The following SOX5 variants were observed in gnomAD, a reference collection of about 807,000 sequenced individuals.
SOX5 encodes the protein SRY-box transcription factor 5, also known as transcription factor SOX-5.
A neutral mutation model predicts 92.0 loss-of-function variants in SOX5; 9 were observed. That is an observed-to-expected ratio of 0.10 (90% CI 0.06 to 0.17). SOX5 has a LOEUF of 0.17. Ranked by LOEUF, SOX5 falls within the 10% of genes least tolerant of loss-of-function variation. The pLI is 1.00. For synonymous variants in SOX5, 344 were observed against 336.3 expected (o/e 1.02, Z -0.25); for missense variants, 642 against 944.5 (o/e 0.68, Z 4.20).
At chr12:24,544,571 C>T (rs77525557) in intron 1 of SOX5, among the ~76,000 whole-genome samples, 2,371 of 152,220 alleles carry the variant, frequency 0.016, 61 homozygotes, top group African/African-American at 0.055. Context: ...GAAAGAAATG[C>T]TAAGTCATTA....
At chr12:23,550,368 C>T (rs2136138739) in intron 11 of SOX5, among the ~76,000 whole-genome samples, 1 of 151,828 alleles carries the variant, frequency 6.6e-6, no homozygotes, top group Admixed American at 6.6e-5. Flanking sequence ...TCCTCGAGTC[C>T]CAGAATCCTA....
intron 6 of SOX5, among the ~76,000 whole-genome samples, chr12:23,731,647 A>G (rs1346900700): frequency 6.6e-6 from 1 of 152,192 alleles, no homozygotes; most frequent in Non-Finnish European, 1.5e-5. Context: ...TAACATATCC[A>G]TCAAATGAAA....
chr12:24,552,088 C>A (rs1381912871), intron 1 of SOX5, among the ~76,000 whole-genome samples: 1 of 146,046 alleles, frequency 6.8e-6, no homozygotes, highest in Admixed American at 6.9e-5. Flanking sequence ...CTTCCCCACT[C>A]CCCAACCCCT....
chr12:24,063,329 A>G (rs1406154040), intron 4 of SOX5, among the ~76,000 whole-genome samples: 4 of 152,228 alleles, frequency 2.6e-5, no homozygotes, highest in African/African-American at 7.2e-5. Flanking sequence ...ACAAATGTTT[A>G]TTGAATGAAT....
intron 4 of SOX5, among the ~76,000 whole-genome samples, chr12:24,012,901 C>G (rs1953122819): frequency 6.6e-6 from 1 of 152,138 alleles, no homozygotes; most frequent in Non-Finnish European, 1.5e-5. Flanking sequence ...CACCCTAAAT[C>G]TATTCAGTAG....
At chr12:24,549,430 A>G (rs551537211) in intron 1 of SOX5, among the ~76,000 whole-genome samples, 1 of 152,358 alleles carries the variant, frequency 6.6e-6, no homozygotes, top group South Asian at 2.1e-4. Context: ...CAAAACAAAA[A>G]GAGAAAGCAA....
chr12:24,244,459 G>T (rs1459502648), intron 3 of SOX5, among the ~76,000 whole-genome samples: 1 of 152,116 alleles, frequency 6.6e-6, no homozygotes, highest in African/African-American at 2.4e-5. Context: ...TGCAGTCCCT[G>T]GAAAATTCTT....
chr12:24,526,993 T>C (rs1950770276), intron 1 of SOX5, among the ~76,000 whole-genome samples: 1 of 151,926 alleles, frequency 6.6e-6, no homozygotes, highest in African/African-American at 2.4e-5. Flanking sequence ...AGTCTCTGTA[T>C]GGTGCCTAGT....
Position 23,538,799 on chromosome 12 carries a change from C to CTTTTTT in SOX5, c.1772-2136_1772-2131dup, listed in dbSNP as rs67268404. On this transcript the variant is annotated intron_variant, in intron 13 of 14. Transcript: ENST00000451604. ...AATTCGAAAACGAAACCAGCATTTTCTTTTTTTTTTTTTTTTTTTGAGACA... is the reference window on the plus strand; with the variant it reads ...AATTCGAAAACGAAACCAGCATTTTCTTTTTTTTTTTTTTTTTTTTTTTTTGAGACA... Among the ~76,000 whole-genome samples the CTTTTTT allele has an allele frequency of 1.6e-3, 169 of 108,102 alleles. 6 individuals are homozygous for CTTTTTT. Among genetic ancestry groups the CTTTTTT allele is most frequent in the East Asian group, 8.8e-3 (31 of 3,518 alleles). 70.9% of individuals were successfully genotyped at this position (108,102 alleles called of 152,430 possible). A position where few individuals can be genotyped will look rare whatever the true frequency, so the allele number is the denominator to read the frequency against.
At chr12:24,116,629 C>A (rs1303534635) in intron 4 of SOX5, among the ~76,000 whole-genome samples, 2 of 151,692 alleles carry the variant, frequency 1.3e-5, no homozygotes, top group Admixed American at 1.3e-4. Context: ...CCCTTTTTTT[C>A]CCTAAGCACA....
At position 23,896,024 on chromosome 12, in the gene SOX5, C is replaced by A. The variant is rs2097173879; in HGVS notation, c.39G>T (p.Arg13Ser). 1 of 1,602,372 alleles carries A rather than the reference C, an allele frequency of 6.2e-7. No individual in the cohort carries two copies. The highest frequency in any genetic ancestry group is 8.6e-7 in the Non-Finnish European group (1 of 1,169,536). ...TDPDLPQEFE[R>S]MSSKRPASPY... ...GAGAGGCTGGTCGCTTGGAAGACAT[C>A]CTGGAAGGAACAAAAGAGGAGAAAA... Residue 13 changes from arginine to serine, a missense_variant and splice_region_variant, in exon 2 of 15, where the codon AGG becomes AGT. Around this residue, in one of 8 missense-constraint regions of SOX5, gnomAD observed 113 missense variants for 117.7 expected, o/e 0.96. Coordinates refer to ENST00000451604, the MANE Select transcript of SOX5 (RefSeq NM_006940.6).
intron 3 of SOX5, among the ~76,000 whole-genome samples, chr12:24,219,945 AG>A (rs1464150107): frequency 1.3e-5 from 2 of 152,164 alleles, no homozygotes; most frequent in African/African-American, 4.8e-5. Flanking sequence ...AACTTATTAT[AG>A]GTGGTAAAAC....
Position 24,404,257 on chromosome 12 carries a change from C to T in SOX5, c.-250-35618G>A, listed in dbSNP as rs568001279. On this transcript the variant is annotated intron_variant, in intron 1 of 4. Coordinates refer to the SOX5 transcript ENST00000446891. ...CCCTACGTGAAGCCGACCACACACA[C>T]ACACAGCATATTTAGATAGGAATAT... 1.1e-4 allele frequency among the ~76,000 whole-genome samples: 16 copies of T among 152,292 alleles called. No homozygotes were observed. The South Asian group carries it at 2.9e-3, about 28-fold the overall frequency.
intron 1 of SOX5, among the ~76,000 whole-genome samples, chr12:24,539,658 G>A (rs2138779473): frequency 6.6e-6 from 1 of 152,088 alleles, no homozygotes; most frequent in Non-Finnish European, 1.5e-5. Context: ...ACTCAGAAAA[G>A]AAAAACTACT....
At chr12:23,628,879 C>T (rs1158608836) in intron 8 of SOX5, among the ~76,000 whole-genome samples, 1 of 151,780 alleles carries the variant, frequency 6.6e-6, no homozygotes. Flanking sequence ...ACTTGCCAAC[C>T]AAACCCAGCT....
chr12:24,205,840 G>A (rs532774838), intron 4 of SOX5, among the ~76,000 whole-genome samples: 23 of 152,292 alleles, frequency 1.5e-4, no homozygotes, highest in African/African-American at 5.5e-4. Context: ...TTACGTACAA[G>A]CATCCTATTA....
At chr12:23,987,978 A>G (rs1453788798) in intron 4 of SOX5, among the ~76,000 whole-genome samples, 1 of 152,234 alleles carries the variant, frequency 6.6e-6, no homozygotes, top group Non-Finnish European at 1.5e-5. Flanking sequence ...AAAATATTAT[A>G]GTAATCCAAG....
intron 8 of SOX5, among the ~76,000 whole-genome samples, chr12:23,617,755 A>G (rs1370591511): frequency 6.6e-6 from 1 of 152,070 alleles, no homozygotes; most frequent in Non-Finnish European, 1.5e-5. Flanking sequence ...GGCTTTCTTC[A>G]TTACACACCA....
intron 4 of SOX5, among the ~76,000 whole-genome samples, chr12:23,973,867 C>G (rs141393162): frequency 8.5e-5 from 13 of 152,214 alleles, no homozygotes; most frequent in African/African-American, 3.1e-4. Flanking sequence ...ATCTAGGTTG[C>G]GCGCTCATAT....
Sources: allele counts gnomAD v4.1 joint callset (sites outside exome capture counted in the v4.1 genomes callset), GRCh38; gene constraint gnomAD v4.1.1; regional missense constraint gnomAD v4.1.1; transcripts MANE v1.5; gene names NCBI Gene and HGNC (gene_info 2026-07-23, HGNC 2026-07-21).